The following IL34 variants were observed in gnomAD, a reference collection of about 807,000 sequenced individuals.
IL34 encodes the protein interleukin-34.
IL34 carries 17 observed loss-of-function variants against 25.3 expected under a neutral mutation model. The ratio of observed to expected loss-of-function variants is 0.67; its 90% CI spans 0.46 to 1.01. The LOEUF is 1.01. IL34 is among the 50% of genes least tolerant of loss of function. The probability of loss-of-function intolerance (pLI) is 0.00; values close to 1 mark genes in which losing one functional copy is unlikely to be tolerated. For synonymous variants in IL34, 174 were observed against 140.9 expected, an observed-to-expected ratio of 1.23 and a Z score of -1.66; for missense variants, 368 against 312.9, an observed-to-expected ratio of 1.18 and a Z score of -1.33.
rs71387533 is a variant in IL34 at position 70,628,786 on chromosome 16, CT to C, written c.-400-17742del. Among the ~76,000 whole-genome samples the C allele has an allele frequency of 2.0e-3, 234 of 115,154 alleles. 1 individual carries two copies. The highest frequency in any genetic ancestry group is 3.7e-3 in the African/African-American group (111 of 30,410). The allele number at this position is 115,154 out of a possible 152,430, so 75.5% of individuals were successfully genotyped here. On this transcript the variant is annotated intron_variant, in intron 1 of 6. Transcript: ENST00000429149. ...ACAGGCATGAGCCATCACACCTGGT[CT>C]TTTTTTTTTTTTTTTTTTTGAGACA...
At chr16:70,636,029 C>CTT (rs112235542) in intron 1 of IL34, among the ~76,000 whole-genome samples, 18 of 139,970 alleles carry the variant, frequency 1.3e-4, no homozygotes, top group African/African-American at 4.2e-4. Context: ...GGGTCTGTAT[C>CTT]TTTTTTTTTT....
At chr16:70,655,123 G>T (rs1238881650) in intron 2 of IL34, among the ~76,000 whole-genome samples, 1 of 151,426 alleles carries the variant, frequency 6.6e-6, no homozygotes, top group East Asian at 1.9e-4. Context: ...CTCAATCTTG[G>T]CTCACTGCAA....
intron 1 of IL34, among the ~76,000 whole-genome samples, chr16:70,639,315 T>C (rs1446250705): frequency 6.6e-6 from 1 of 152,168 alleles, no homozygotes; most frequent in Non-Finnish European, 1.5e-5. Flanking sequence ...GAAAACAAAT[T>C]ACACGGGCCT....
At chr16:70,620,568 C>T (rs2051260160) in intron 1 of IL34, among the ~76,000 whole-genome samples, 1 of 151,982 alleles carries the variant, frequency 6.6e-6, no homozygotes, top group African/African-American at 2.4e-5. Flanking sequence ...CTCAGCGACA[C>T]TTGGGGTTGG....
intron 1 of IL34, among the ~76,000 whole-genome samples, chr16:70,616,934 A>C (rs2051181695): frequency 6.6e-6 from 1 of 152,134 alleles, no homozygotes; most frequent in African/African-American, 2.4e-5. Context: ...GCCTTATATT[A>C]ATAAGAAAAA....
intron 1 of IL34, among the ~76,000 whole-genome samples, chr16:70,599,077 A>G (rs886337797): frequency 2.0e-5 from 3 of 152,330 alleles, no homozygotes; most frequent in African/African-American, 7.2e-5. Context: ...TTTAAGGAAT[A>G]TACTGACTCA....
chr16:70,602,504 G>A (rs1303180234), intron 1 of IL34, among the ~76,000 whole-genome samples: 1 of 151,774 alleles, frequency 6.6e-6, no homozygotes, highest in Non-Finnish European at 1.5e-5. Context: ...CTGCACTCAG[G>A]CCTGGGCAAC....
intron 1 of IL34, among the ~76,000 whole-genome samples, chr16:70,616,777 C>T (rs2051179291): frequency 6.6e-6 from 1 of 152,110 alleles, no homozygotes; most frequent in Non-Finnish European, 1.5e-5. Flanking sequence ...GGGGCAGGAA[C>T]AAATCACAAT....
At chr16:70,653,858 A>G (rs1430255505) in intron 1 of IL34, among the ~76,000 whole-genome samples, 1 of 152,146 alleles carries the variant, frequency 6.6e-6, no homozygotes, top group Admixed American at 6.6e-5. Context: ...CTGTTCAGTC[A>G]CATGGAAATC....
chr16:70,658,960 C>A (rs1270897496), intron 4 of IL34, among the ~76,000 whole-genome samples: 1 of 152,150 alleles, frequency 6.6e-6, no homozygotes, highest in East Asian at 1.9e-4. Flanking sequence ...AGGGGTAGGA[C>A]CAAGACAGCT....
At chr16:70,590,109 C>G (rs2050735705) in intron 1 of IL34, among the ~76,000 whole-genome samples, 2 of 152,118 alleles carry the variant, frequency 1.3e-5, no homozygotes, top group South Asian at 4.1e-4. Context: ...GCGTCTGTGT[C>G]CCTGTGGAAG....
At chr16:70,623,807 C>G (rs543041456) in intron 1 of IL34, among the ~76,000 whole-genome samples, 3 of 150,458 alleles carry the variant, frequency 2.0e-5, no homozygotes, top group Non-Finnish European at 4.4e-5. Context: ...AAAAGGAGTG[C>G]TTAAAAGAGT....
intron 1 of IL34, among the ~76,000 whole-genome samples, chr16:70,625,703 T>G (rs900151551): frequency 2.0e-5 from 3 of 152,140 alleles, no homozygotes; most frequent in Admixed American, 2.0e-4. Flanking sequence ...CGCTGGAGTT[T>G]TGGGTCCACC....
intron 1 of IL34, among the ~76,000 whole-genome samples, chr16:70,603,663 C>A (rs1378235990): frequency 6.6e-6 from 1 of 152,154 alleles, no homozygotes; most frequent in East Asian, 1.9e-4. Context: ...GCCTCAATGT[C>A]CTGGGCTCAG....
intron 1 of IL34, among the ~76,000 whole-genome samples, chr16:70,603,339 G>A (rs1303234272): frequency 6.6e-6 from 1 of 152,066 alleles, no homozygotes; most frequent in African/African-American, 2.4e-5. Flanking sequence ...GAGTGCAGTG[G>A]TGCGATCTCG....
chr16:70,648,318 G>A (rs1199889774), intron 1 of IL34, among the ~76,000 whole-genome samples: 1 of 152,152 alleles, frequency 6.6e-6, no homozygotes, highest in African/African-American at 2.4e-5. Flanking sequence ...CACTGTGGGA[G>A]GCCAAGGCAG....
chr16:70,635,734 A>G (rs995939290), intron 1 of IL34, among the ~76,000 whole-genome samples: 1 of 152,236 alleles, frequency 6.6e-6, no homozygotes, highest in African/African-American at 2.4e-5. Context: ...AATGATTCAA[A>G]TATAAAAGAA....
At chr16:70,648,779 C>T (rs192061444) in intron 1 of IL34, among the ~76,000 whole-genome samples, 15 of 152,036 alleles carry the variant, frequency 9.9e-5, no homozygotes, top group Admixed American at 7.9e-4. Context: ...TGGCTTAGAG[C>T]AACAGGAATG....
At chr16:70,640,457 C>A (rs1344024667) in intron 1 of IL34, among the ~76,000 whole-genome samples, 1 of 151,860 alleles carries the variant, frequency 6.6e-6, no homozygotes, top group Non-Finnish European at 1.5e-5. Flanking sequence ...AACCCTGTCT[C>A]TACTAAAAAT....
Sources: allele counts gnomAD v4.1 joint callset (sites outside exome capture counted in the v4.1 genomes callset), GRCh38; gene constraint gnomAD v4.1.1; transcripts MANE v1.5; gene names NCBI Gene and HGNC (gene_info 2026-07-23, HGNC 2026-07-21).